SULT1A2: variants seen among roughly 807,000 people sequenced by gnomAD.
The protein encoded by SULT1A2 is sulfotransferase 1A2.
A neutral mutation model predicts 36.0 loss-of-function variants in SULT1A2; 33 were observed. The observed-to-expected ratio is 0.92, with a 90% confidence interval of 0.69 to 1.22. The LOEUF is 1.22. Ranked by LOEUF, SULT1A2 falls within the 50% of genes most tolerant of loss-of-function variation. The probability of loss-of-function intolerance (pLI) is 0.00; values close to 1 mark genes in which losing one functional copy is unlikely to be tolerated. For synonymous variants in SULT1A2, 138 were observed against 144.5 expected (o/e 0.96, Z 0.32); for missense variants, 367 against 383.2 (o/e 0.96, Z 0.35).
Position 28,592,341 on chromosome 16 carries a change from T to C in SULT1A2, c.697A>G (p.Lys233Glu). ...MVEHTSFKEM[K>E]KNPMTNYTTV... ...GTGTAGTTGGTCATAGGGTTCTTCT[T>C]CATCTCCTTGAACGACGTGTGCTCA... Residue 233 changes from lysine (K) to glutamate (E), a missense_variant, in exon 7 of 8, where the codon AAG becomes GAG. Physicochemically the swap from Lys to Glu is moderately conservative, Grantham distance 56. Transcript: ENST00000335715. 6.2e-7 allele frequency: 1 copy of C among 1,613,900 alleles called. No homozygotes were observed. Among genetic ancestry groups the C allele is most frequent in the Middle Eastern group, 1.7e-4 (1 of 6,056 alleles).
At chr16:28,593,664 T>G in intron 4 of SULT1A2, 96 bp from the exon 5 acceptor site, 1 of 1,575,460 alleles carries the variant, frequency 6.3e-7, no homozygotes, top group Non-Finnish European at 8.6e-7. Flanking sequence ...AGCTGAGGCT[T>G]AGAGGCTGAC....
rs1277754167 is a variant in SULT1A2 at position 28,592,130 on chromosome 16, C to G, written c.786G>C (p.Gly262=). ...ISPFMRKGMA[G]DWKTTFTVAQ... is the part of the protein sequence containing the mutation. Reference sequence around the variant, plus strand: ...CCACGGTGAAGGTGGTCTTCCAGTCCCCAGCCATGCCTGGGGGAGGAAGGC... The same window carrying G: ...CCACGGTGAAGGTGGTCTTCCAGTCGCCAGCCATGCCTGGGGGAGGAAGGC... The change falls in exon 8 of 8, where the codon GGG becomes GGC. Residue 262 remains glycine (G), a synonymous_variant. Coordinates refer to ENST00000335715, the MANE Select transcript of SULT1A2 (RefSeq NM_001054.4). 6.2e-7 allele frequency: 1 copy of G among 1,611,942 alleles called. No homozygotes were observed. Among genetic ancestry groups the G allele is most frequent in the Non-Finnish European group, 8.5e-7 (1 of 1,179,828 alleles).
At position 28,592,047 on chromosome 16, in the gene SULT1A2, C is replaced by T. The variant is rs1234468149; in HGVS notation, c.869G>A (p.Ser290Asn). ...CCCCTCTCACAGCTCAGAGCGGAAG[C>T]TGAGGCTGCAGCCTGCCATCTTCTT... ...YAKKMAGCSL[S>N]FRSEL Residue 290 changes from serine to asparagine, a missense_variant, in exon 8 of 8, where the codon AGC becomes AAC. Ser to Asn is a conservative substitution (Grantham distance 46). Transcript: ENST00000335715. 8 of 1,611,884 alleles carry T rather than the reference C, an allele frequency of 5.0e-6. No homozygotes were observed. In the Admixed American group the frequency reaches 1.3e-4, roughly 27 times the overall value.
rs1321485728 is a variant in SULT1A2, at chr16:28,595,630, C to A, written c.194G>T (p.Gly65Val). The A allele has an allele frequency of 6.2e-7, 1 of 1,614,206 alleles. No homozygotes were observed. The highest frequency in any genetic ancestry group is 1.7e-5 in the Admixed American group (1 of 60,028). ...SQILDMIYQG[G>V]DLEKCHRAPI... Reference sequence around the variant, plus strand: ...AGCTCGGTGACACTTTTCCAGGTCACCGCCCTGGTAGATCATGTCCAGAAT... The same window carrying A: ...AGCTCGGTGACACTTTTCCAGGTCAACGCCCTGGTAGATCATGTCCAGAAT... Residue 65 changes from glycine (G) to valine (V), a missense_variant, in exon 3 of 8, where the codon GGT becomes GTT. Transcript: ENST00000335715.
rs563462432 is a variant in SULT1A2, at chr16:28,596,924, C to G, written c.-5+73G>C. On this transcript the variant is annotated intron_variant, in intron 1 of 7. Coordinates refer to ENST00000335715, the MANE Select transcript of SULT1A2 (RefSeq NM_001054.4). ...GAGAGGGCAGGGATAGCAGAGGCCT[C>G]GGCTTCTGGAATGTTGGAGCCACAA... 1.2e-5 allele frequency: 13 copies of G among 1,076,810 alleles called. No individual in the cohort carries two copies. The African/African-American group carries it at 1.3e-4, about 11-fold the overall frequency. 66.7% of individuals were successfully genotyped at this position (1,076,810 alleles called of 1,614,324 possible).
At chr16:28,595,265 T>C in intron 4 of SULT1A2, 102 bp downstream of exon 4, 1 of 1,493,486 alleles carries the variant, frequency 6.7e-7, no homozygotes, top group Non-Finnish European at 9.1e-7. Context: ...AGTTTTTTTT[T>C]TGGAAGAGAC....
chr16:28,596,377 TC>T (rs2047060253), intron 1 of SULT1A2: 1 of 1,106,924 alleles, frequency 9.0e-7, no homozygotes, highest in African/African-American at 1.7e-5. Flanking sequence ...TCCCCGATGT[TC>T]CCCTCCTTGA....
rs773714147 is a variant in SULT1A2, at chr16:28,592,136, C to T, written c.780G>A (p.Met260Ile). The T allele has an allele frequency of 8.7e-6, 14 of 1,612,172 alleles. No homozygotes were observed. The highest frequency in any genetic ancestry group is 1.2e-5 in the Non-Finnish European group (14 of 1,179,838). The stretch of plus-strand genomic sequence containing the variant: ...TGAAGGTGGTCTTCCAGTCCCCAGC[C>T]ATGCCTGGGGGAGGAAGGCAGGGAG... Reference protein sequence around the residue: ...HSISPFMRKGMAGDWKTTFTV... With the variant: ...HSISPFMRKGIAGDWKTTFTV... The change falls in exon 8 of 8, where the codon ATG becomes ATA. Residue 260 changes from methionine (M) to isoleucine (I), a missense_variant. Coordinates refer to ENST00000335715, the MANE Select transcript of SULT1A2 (RefSeq NM_001054.4).
Position 28,593,438 on chromosome 16 carries a change from C to T in SULT1A2, c.499+4G>A, listed in dbSNP as rs1365227784. The T allele has an allele frequency of 6.2e-7, 1 of 1,614,192 alleles. No homozygotes were observed. The highest frequency in any genetic ancestry group is 8.5e-7 in the Non-Finnish European group (1 of 1,180,040). On this transcript the variant is annotated splice_donor_region_variant and intron_variant, in intron 5 of 7. Coordinates refer to ENST00000335715, the MANE Select transcript of SULT1A2 (RefSeq NM_001054.4). ...CACACCTTCCTTCCTCCCATCAAGCCCACCTTCTCCAGCCATGAACTTCTC... is the reference window on the plus strand; with the variant it reads ...CACACCTTCCTTCCTCCCATCAAGCTCACCTTCTCCAGCCATGAACTTCTC...
intron 6 of SULT1A2, 32 bp downstream of exon 6, chr16:28,593,220 C>T (rs1196449029): frequency 6.2e-7 from 1 of 1,611,994 alleles, no homozygotes; most frequent in Non-Finnish European, 8.5e-7. Flanking sequence ...CCCCAGGTGT[C>T]ACGTGGAGGG....
chr16:28,592,077 T>C lies in SULT1A2; in HGVS notation c.839A>G (p.Tyr280Cys), dbSNP rs2046998727. 8 of 1,611,952 alleles carry C rather than the reference T, an allele frequency of 5.0e-6. No individual in the cohort carries two copies. The East Asian group carries it at 1.8e-4, about 36-fold the overall frequency. ...VAQNERFDAD[Y>C]AKKMAGCSLS... is the part of the protein sequence containing the mutation. ...GCTGCAGCCTGCCATCTTCTTCGCA[T>C]AGTCCGCATCGAAGCGCTCATTCTG... Residue 280 changes from tyrosine to cysteine, a missense_variant, in exon 8 of 8, where the codon TAT (tyrosine) becomes TGT (cysteine). By Grantham distance (194) the Tyr-to-Cys change is radical. Transcript: ENST00000335715.
chr16:28,595,024 C>A (rs1174567615), intron 4 of SULT1A2, among the ~76,000 whole-genome samples: 2 of 151,968 alleles, frequency 1.3e-5, no homozygotes, highest in Non-Finnish European at 2.9e-5. Context: ...CTCAGGTGAT[C>A]CACCTGCCTC....
rs55898318 is a variant in SULT1A2 at position 28,596,326 on chromosome 16, T to C, written c.-4-392A>G. 6.1e-3 allele frequency: 7,007 copies of C among 1,149,098 alleles called. 33 individuals are homozygous for C. Among genetic ancestry groups the C allele is most frequent in the African/African-American group, 0.012 (711 of 61,330 alleles). 71.2% of individuals were successfully genotyped at this position (1,149,098 alleles called of 1,614,324 possible). On this transcript the variant is annotated intron_variant, in intron 1 of 7. Coordinates refer to ENST00000335715, the MANE Select transcript of SULT1A2 (RefSeq NM_001054.4). The stretch of plus-strand genomic sequence containing the variant: ...CCAGCCAGCGCCCTTTGTCTCACCA[T>C]TTCCTGCTGGGACCCCCAGCCTCCA...
chr16:28,596,804 C>G lies in SULT1A2; in HGVS notation c.-5+193G>C, dbSNP rs946918552. 1.9e-4 allele frequency: 63 copies of G among 331,156 alleles called. 1 individual carries two copies. Among genetic ancestry groups the G allele is most frequent in the South Asian group, 9.0e-4 (36 of 39,824 alleles). The allele number at this position is 331,156 out of a possible 1,614,324, so 20.5% of individuals were successfully genotyped here. ...CCAGGATCCCACAGCACTCCAGCCT[C>G]GGTGACAGCAAGACCTGGCCTCCCC... On this transcript the variant is annotated intron_variant, in intron 1 of 7. Transcript: ENST00000335715.
In SULT1A2 at chr16:28,592,317, T is replaced by C. The variant is rs1213209575; in HGVS notation, c.721A>G (p.Thr241Ala). ...TCCATGAACTCCCGGCGGACGGTGG[T>C]GTAGTTGGTCATAGGGTTCTTCTTC... ...EMKKNPMTNY[T>A]TVRREFMDHS... The change falls in exon 7 of 8, where the codon ACC becomes GCC. Residue 241 changes from threonine to alanine, a missense_variant. By Grantham distance (58) the Thr-to-Ala change is moderately conservative. Transcript: ENST00000335715. The C allele has an allele frequency of 1.2e-6, 2 of 1,613,794 alleles. No homozygotes were observed. The highest frequency in any genetic ancestry group is 8.5e-7 in the Non-Finnish European group (1 of 1,179,818).
chr16:28,596,173 T>C (rs897576513), intron 1 of SULT1A2: 253 of 1,353,650 alleles, frequency 1.9e-4, no homozygotes, highest in Middle Eastern at 1.3e-3. Context: ...TCCCAGGGCC[T>C]GGGCCATGGT....
intron 4 of SULT1A2, among the ~76,000 whole-genome samples, chr16:28,594,074 T>A (rs1159978761): frequency 1.3e-5 from 2 of 148,380 alleles, no homozygotes; most frequent in Non-Finnish European, 3.0e-5. Flanking sequence ...GGACCTTTGC[T>A]TTTTTCTTTT....
chr16:28,595,255 AGT>A, intron 4 of SULT1A2, 110 bp downstream of exon 4: 3 of 1,375,546 alleles, frequency 2.2e-6, no homozygotes, highest in Non-Finnish European at 3.0e-6. Context: ...TGCACAGCTA[AGT>A]TTTTTTTTTG....
chr16:28,596,204 T>G, intron 1 of SULT1A2: 1 of 1,388,650 alleles, frequency 7.2e-7, no homozygotes, highest in Non-Finnish European at 9.4e-7. Flanking sequence ...GAAAGCACCC[T>G]CGTGGCGCGG....
Sources: gnomAD v4.1 joint callset for allele counts (sites outside exome capture counted in the v4.1 genomes callset) on GRCh38, gnomAD v4.1.1 for gene constraint, MANE v1.5 for transcripts, NCBI Gene and HGNC (gene_info 2026-07-23, HGNC 2026-07-21) for gene names.